SHTN1: variants seen among roughly 807,000 people sequenced by gnomAD.
The protein encoded by SHTN1 is shootin 1, also known as shootin-1.
A neutral mutation model predicts 83.1 loss-of-function variants in SHTN1; 42 were observed. The observed-to-expected ratio is 0.51, with a 90% CI of 0.39 to 0.65. SHTN1 has a LOEUF of 0.65. Ranked by LOEUF, SHTN1 falls within the 30% of genes least tolerant of loss-of-function variation. The probability of loss-of-function intolerance (pLI) is 0.00; values close to 1 mark genes in which losing one functional copy is unlikely to be tolerated. For missense variants in SHTN1, 622 were observed against 737.8 expected (o/e 0.84, Z 1.82); for synonymous variants, 224 against 247.7 (o/e 0.90, Z 0.90).
intron 2 of SHTN1, among the ~76,000 whole-genome samples, chr10:117,017,244 C>A (rs917415357): frequency 6.6e-6 from 1 of 152,148 alleles, no homozygotes; most frequent in Admixed American, 6.5e-5. Flanking sequence ...GTAATCCCAG[C>A]ACTTTGGGAG....
At chr10:116,997,366 G>C (rs1352149819) in intron 1 of SHTN1, among the ~76,000 whole-genome samples, 1 of 152,154 alleles carries the variant, frequency 6.6e-6, no homozygotes, top group Admixed American at 6.5e-5. Context: ...AAACTTGCTT[G>C]TTCATGTCTT....
intron 1 of SHTN1, among the ~76,000 whole-genome samples, chr10:117,064,343 G>A (rs1852942025): frequency 6.6e-6 from 1 of 152,164 alleles, no homozygotes; most frequent in Admixed American, 6.5e-5. Flanking sequence ...CACATTGGCT[G>A]TATCTTGCCT....
At chr10:117,015,578 G>A (rs1158408658) in intron 2 of SHTN1, among the ~76,000 whole-genome samples, 1 of 152,172 alleles carries the variant, frequency 6.6e-6, no homozygotes, top group East Asian at 1.9e-4. Context: ...TAATTCGCCT[G>A]CCTCAGCCTC....
chr10:116,961,461 G>A (rs578154145), intron 3 of SHTN1, among the ~76,000 whole-genome samples: 1 of 152,038 alleles, frequency 6.6e-6, no homozygotes, highest in East Asian at 1.9e-4. Context: ...AGTAGTTGCA[G>A]TCACCGAGAA....
intron 16 of SHTN1, among the ~76,000 whole-genome samples, chr10:116,897,612 G>A (rs1010995165): frequency 1.3e-5 from 2 of 152,188 alleles, no homozygotes; most frequent in African/African-American, 4.8e-5. Flanking sequence ...ATAATTGTAA[G>A]ATAAGATAGG....
chr10:117,084,095 C>T (rs1426367073), intron 1 of SHTN1, among the ~76,000 whole-genome samples: 2 of 152,222 alleles, frequency 1.3e-5, no homozygotes, highest in East Asian at 1.9e-4. Context: ...TGAGGAGCTG[C>T]GTTCCTTTGG....
At chr10:116,975,299 G>C (rs1391827690) in intron 2 of SHTN1, among the ~76,000 whole-genome samples, 1 of 152,098 alleles carries the variant, frequency 6.6e-6, no homozygotes, top group Non-Finnish European at 1.5e-5. Context: ...AATAAATTCT[G>C]CTTGTGAGAG....
At chr10:117,044,441 T>C (rs1402655432) in intron 2 of SHTN1, among the ~76,000 whole-genome samples, 17 of 152,190 alleles carry the variant, frequency 1.1e-4, no homozygotes, top group African/African-American at 4.1e-4. Context: ...TTAGAAACTG[T>C]GTAACATTGT....
intron 2 of SHTN1, among the ~76,000 whole-genome samples, chr10:117,016,405 T>TTTTGTTTG (rs922332184): frequency 1.3e-5 from 2 of 152,122 alleles, no homozygotes; most frequent in Non-Finnish European, 2.9e-5. Context: ...AAATTATTCC[T>TTTTGTTTG]TTTGTTTGTT....
chr10:116,951,821 G>C (rs748022308), intron 6 of SHTN1, 88 bp downstream of exon 6: 53 of 549,838 alleles, frequency 9.6e-5, no homozygotes, highest in Non-Finnish European at 1.7e-4. Context: ...GTTAGAAATT[G>C]GCTTATAATA....
At chr10:117,016,593 G>A (rs1157889859) in intron 2 of SHTN1, among the ~76,000 whole-genome samples, 3 of 152,144 alleles carry the variant, frequency 2.0e-5, no homozygotes, top group African/African-American at 7.2e-5. Context: ...TTTTAGTAGA[G>A]GCAGGGTTTT....
chr10:116,954,503 T>C (rs533001285), intron 4 of SHTN1, among the ~76,000 whole-genome samples: 103 of 152,336 alleles, frequency 6.8e-4, no homozygotes, highest in African/African-American at 2.2e-3. Context: ...TTCTGATTTA[T>C]AGTCATTAAT....
chr10:117,042,157 C>T (rs1852592917), intron 2 of SHTN1, among the ~76,000 whole-genome samples: 1 of 152,156 alleles, frequency 6.6e-6, no homozygotes, highest in Non-Finnish European at 1.5e-5. Flanking sequence ...ATTTACAGGC[C>T]ATCTTTACCA....
At chr10:117,005,709 CG>C (rs1851994340), upstream of SHTN1, 3 of 382,920 alleles carry the variant, frequency 7.8e-6, no homozygotes, top group African/African-American at 4.4e-5. Context: ...AGACAAGGAT[CG>C]AATCAGGCCG....
chr10:116,955,231 C>A (rs1266498203), intron 4 of SHTN1, among the ~76,000 whole-genome samples: 1 of 151,404 alleles, frequency 6.6e-6, no homozygotes, highest in East Asian at 1.9e-4. Context: ...TGTTTATGTA[C>A]AAGAAAATTT....
chr10:116,924,977 C>A (rs1209501388), intron 11 of SHTN1, among the ~76,000 whole-genome samples: 1 of 151,906 alleles, frequency 6.6e-6, no homozygotes, highest in Non-Finnish European at 1.5e-5. Context: ...AGGATGGTCT[C>A]AATCTCCTGA....
intron 1 of SHTN1, among the ~76,000 whole-genome samples, chr10:116,986,665 T>C (rs1851227754): frequency 6.6e-6 from 1 of 151,462 alleles, no homozygotes; most frequent in Admixed American, 6.6e-5. Context: ...GAGAATCATT[T>C]GAGCTCAGGA....
At chr10:116,890,169 T>C (rs1252225376) in intron 16 of SHTN1, among the ~76,000 whole-genome samples, 1 of 48 alleles carries the variant, frequency 0.021, no homozygotes, top group African/African-American at 0.036. Flanking sequence ...TGTTCAATTT[T>C]TTTTTCTACT....
chr10:116,980,082 G>A (rs879788690), intron 1 of SHTN1, among the ~76,000 whole-genome samples: 4 of 151,034 alleles, frequency 2.6e-5, no homozygotes, highest in African/African-American at 7.3e-5. Context: ...AAAAAAAAAC[G>A]AAACCTAAAT....
Sources: gnomAD v4.1 joint callset for allele counts (sites outside exome capture counted in the v4.1 genomes callset) on GRCh38, gnomAD v4.1.1 for gene constraint, MANE v1.5 for transcripts, NCBI Gene and HGNC (gene_info 2026-07-23, HGNC 2026-07-21) for gene names.